Variants in NAV1 observed in about 807,000 individuals in gnomAD.
NAV1 encodes neuron navigator 1.
A neutral mutation model predicts 175.2 loss-of-function variants in NAV1; 18 were observed. The ratio of observed to expected loss-of-function variants is 0.10; its 90% CI spans 0.07 to 0.15. The LOEUF (loss-of-function observed/expected upper bound fraction) is 0.15, where lower values mean the gene tolerates loss of function less well. Among genes scored for constraint, NAV1 ranks in the 10% least tolerant of loss-of-function variants. NAV1 has a pLI of 1.00. For missense variants in NAV1, 1,731 were observed against 2,436.6 expected (o/e 0.71, Z 6.10); for synonymous variants, 897 against 978.7 (o/e 0.92, Z 1.56).
intron 3 of NAV1, among the ~76,000 whole-genome samples, chr1:201,730,437 C>G (rs1672806000): frequency 6.6e-6 from 1 of 152,198 alleles, no homozygotes; most frequent in Non-Finnish European, 1.5e-5. Flanking sequence ...TCCTTGAAGC[C>G]TTTCCCTCTG....
At chr1:201,681,966 A>G (rs1389118940) in intron 1 of NAV1, among the ~76,000 whole-genome samples, 2 of 152,098 alleles carry the variant, frequency 1.3e-5, no homozygotes, top group African/African-American at 4.8e-5. Flanking sequence ...AAATACAAAA[A>G]TCAGCTGGGT....
intron 1 of NAV1, among the ~76,000 whole-genome samples, chr1:201,703,201 G>T (rs1231278193): frequency 6.6e-6 from 1 of 152,166 alleles, no homozygotes; most frequent in Non-Finnish European, 1.5e-5. Context: ...GTCTGGGCAG[G>T]ATCACTAATG....
At chr1:201,765,449 T>C (rs1303446139) in intron 3 of NAV1, among the ~76,000 whole-genome samples, 1 of 148,422 alleles carries the variant, frequency 6.7e-6, no homozygotes, top group East Asian at 2.0e-4. Flanking sequence ...GGCTGGAATG[T>C]AGTGGTGCCA....
chr1:201,726,672 A>C (rs914855911), intron 3 of NAV1, among the ~76,000 whole-genome samples: 2 of 151,834 alleles, frequency 1.3e-5, no homozygotes, highest in Non-Finnish European at 2.9e-5. Flanking sequence ...AAAAATAGAA[A>C]TCTATTATTC....
exon 1 of NAV1, chr1:201,648,737 C>A: frequency 7.1e-7 from 1 of 1,410,346 alleles, no homozygotes; most frequent in Non-Finnish European, 9.2e-7. Flanking sequence ...GCGACGAGGG[C>A]GCGGACGAAC....
intron 1 of NAV1, among the ~76,000 whole-genome samples, chr1:201,627,407 A>G (rs1175108139): frequency 1.3e-5 from 2 of 151,750 alleles, no homozygotes; most frequent in African/African-American, 4.8e-5. Flanking sequence ...CGAGTAGCTG[A>G]GATTACAGGC....
At position 201,604,724 on chromosome 1, in the gene NAV1, GAGAAAGAA is replaced by G. The variant is rs371637628; in HGVS notation, c.-33+16091_-33+16098del. On this transcript the variant is annotated intron_variant, in intron 2 of 33. Coordinates refer to the NAV1 transcript ENST00000685211. ...AAGAAAGAAAGAGAAAGGAAAGAAA[GAGAAAGAA>G]AGAAAGAAAGAAAGAGAGAGAGAGA... Among the ~76,000 whole-genome samples, 61 of 144,198 alleles carry G rather than the reference GAGAAAGAA, an allele frequency of 4.2e-4. 1 individual carries two copies. Among genetic ancestry groups the G allele is most frequent in the Admixed American group, 1.5e-3 (22 of 14,328 alleles). The allele number at this position is 144,198 out of a possible 152,430, so 94.6% of individuals were successfully genotyped here. A position where few individuals can be genotyped will look rare whatever the true frequency, so the allele number is the denominator to read the frequency against.
chr1:201,734,507 GA>G (rs1356682238), intron 3 of NAV1, among the ~76,000 whole-genome samples: 11 of 151,124 alleles, frequency 7.3e-5, no homozygotes, highest in African/African-American at 2.7e-4. Flanking sequence ...AGGAGAAGAA[GA>G]AGAAGAAGAA....
rs1437193990 is a variant in NAV1 at position 201,812,008 on chromosome 1, C to T, written c.5024+34C>T. On this transcript the variant is annotated intron_variant, in intron 26 of 29. Transcript: ENST00000367296. The surrounding 1 kb of genome is among the most constrained non-coding windows in gnomAD (Gnocchi z 4.6). ...TCTAGCTCTGGATGAACCTTCTGACCCTACCCAAGAGTCTTCAATCCTGGA... is the reference window on the plus strand; with the variant it reads ...TCTAGCTCTGGATGAACCTTCTGACTCTACCCAAGAGTCTTCAATCCTGGA... 2.2e-5 allele frequency: 35 copies of T among 1,596,564 alleles called. No individual in the cohort carries two copies. Among genetic ancestry groups the T allele is most frequent in the Non-Finnish European group, 3.0e-5 (35 of 1,164,180 alleles).
intron 3 of NAV1, among the ~76,000 whole-genome samples, chr1:201,730,003 C>G (rs574588129): frequency 6.7e-4 from 102 of 152,292 alleles, no homozygotes; most frequent in African/African-American, 2.3e-3. Flanking sequence ...AAAACCAAAG[C>G]TATAAAGGCC....
upstream of NAV1, among the ~76,000 whole-genome samples, chr1:201,618,884 C>T (rs1172774868): frequency 1.3e-5 from 2 of 152,170 alleles, no homozygotes; most frequent in Non-Finnish European, 2.9e-5. Flanking sequence ...CCTGTGGGTT[C>T]TCACTCCGAA....
chr1:201,632,582 T>G (rs915531536), intron 2 of NAV1, among the ~76,000 whole-genome samples: 2 of 152,254 alleles, frequency 1.3e-5, no homozygotes, highest in African/African-American at 4.8e-5. Flanking sequence ...GCAGGAGGAC[T>G]GGGAAAGGTT....
At chr1:201,598,411 C>T (rs1173277489) in intron 2 of NAV1, among the ~76,000 whole-genome samples, 1 of 152,108 alleles carries the variant, frequency 6.6e-6, no homozygotes, top group African/African-American at 2.4e-5. Context: ...GTAGGAGGGT[C>T]GTTATCAGAA....
intron 1 of NAV1, among the ~76,000 whole-genome samples, chr1:201,568,394 A>G (rs554931728): frequency 6.6e-6 from 1 of 152,240 alleles, no homozygotes; most frequent in South Asian, 2.1e-4. Context: ...TGCCACTGCC[A>G]TCACCGCTTC....
intron 1 of NAV1, among the ~76,000 whole-genome samples, chr1:201,559,381 C>T (rs779390578): frequency 6.6e-6 from 1 of 152,136 alleles, no homozygotes; most frequent in African/African-American, 2.4e-5. Flanking sequence ...GAGACTCGCA[C>T]ATAAACCACC....
chr1:201,762,584 A>T (rs563809613), intron 3 of NAV1, among the ~76,000 whole-genome samples: 2 of 152,374 alleles, frequency 1.3e-5, no homozygotes, highest in Admixed American at 1.3e-4. Context: ...ATTTGTTTAC[A>T]TACTATCTAT....
At chr1:201,646,253 C>A (rs2819387), upstream of NAV1, among the ~76,000 whole-genome samples, 10,990 of 152,250 alleles carry the variant, frequency 0.072, 1,272 homozygotes, top group African/African-American at 0.24. Context: ...CCTAGTTCCA[C>A]CCCTGAGTTT....
At chr1:201,670,360 G>A (rs855294) in intron 1 of NAV1, among the ~76,000 whole-genome samples, 19,341 of 121,286 alleles carry the variant, frequency 0.16, 1,484 homozygotes, top group Middle Eastern at 0.23. Flanking sequence ...CAGCCTGGGC[G>A]ACAGAGCGAG....
In NAV1 at chr1:201,782,775, T is replaced by A. The variant is rs747227748; in HGVS notation, c.2263T>A (p.Leu755Met). ...GGCCTTGGACTCAGACAACATCTCC[T>A]TGAAGAGTATTGGCTCCCCAGAAAG... is the stretch of plus-strand genomic sequence containing the variant. The change falls in exon 6 of 30, where the codon TTG becomes ATG. Residue 755 changes from leucine to methionine, a missense_variant. This residue lies in a region of NAV1 where 634 missense variants were observed against 766.8 expected (regional missense o/e 0.83). Coordinates refer to ENST00000367296, the Ensembl canonical transcript of NAV1. The surrounding 1 kb of genome is among the most constrained non-coding windows in gnomAD (Gnocchi z 5.4). 1 of 1,613,992 alleles carries A rather than the reference T, an allele frequency of 6.2e-7. No homozygotes were observed. The highest frequency in any genetic ancestry group is 2.2e-5 in the East Asian group (1 of 44,864).
Sources: allele counts gnomAD v4.1 joint callset (sites outside exome capture counted in the v4.1 genomes callset), GRCh38; gene constraint gnomAD v4.1.1; regional missense constraint gnomAD v4.1.1; non-coding constraint Gnocchi (gnomAD v3.1); transcripts MANE v1.5; gene names NCBI Gene and HGNC (gene_info 2026-07-23, HGNC 2026-07-21).